The following MCRIP1 variants were observed in gnomAD, a reference collection of about 807,000 sequenced individuals.
MCRIP1 encodes MAPK regulated corepressor interacting protein 1, also known as mapk-regulated corepressor-interacting protein 1.
MCRIP1 carries 10 observed loss-of-function variants against 14.4 expected under a neutral mutation model. The ratio of observed to expected loss-of-function variants is 0.70; its 90% CI spans 0.43 to 1.18. MCRIP1 has a LOEUF of 1.18. Among genes scored for constraint, MCRIP1 ranks in the 50% most tolerant of loss-of-function variants. The pLI, the probability that MCRIP1 is intolerant of heterozygous loss-of-function variation, is 0.00. For synonymous variants in MCRIP1, 53 were observed against 55.7 expected, an observed-to-expected ratio of 0.95 and a Z score of 0.21; for missense variants, 119 against 135.4, an observed-to-expected ratio of 0.88 and a Z score of 0.60.
Position 81,823,578 on chromosome 17 carries a change from G to C in MCRIP1, c.128-65C>G. 1.5e-6 allele frequency: 2 copies of C among 1,359,420 alleles called. No individual in the cohort carries two copies. The highest frequency in any genetic ancestry group is 2.5e-5 in the East Asian group (1 of 40,026). The allele number at this position is 1,359,420 out of a possible 1,614,324, so 84.2% of individuals were successfully genotyped here. A position where few individuals can be genotyped will look rare whatever the true frequency, so the allele number is the denominator to read the frequency against. On this transcript the variant is annotated intron_variant, in intron 3 of 4. Transcript: ENST00000455127. This position sits in a 1 kb window ranked among gnomAD's most constrained non-coding sequence, Gnocchi z 6.0. ...CCAGGGGGTGGCATCCACGTCACGA[G>C]AGTGCCTGCCCTCAGCTCCTGCCCT... is the stretch of plus-strand genomic sequence containing the variant.
chr17:81,824,279 G>A lies in MCRIP1; in HGVS notation c.127+8C>T, dbSNP rs910904088. On this transcript the variant is annotated splice_region_variant and intron_variant, in intron 3 of 4. Coordinates refer to ENST00000455127, the MANE Select transcript of MCRIP1 (RefSeq NM_207368.5). ...AGGGCAGGAGCTGTGTGTGGCAGGC[G>A]CACCCACCTTCGTAAATGAAGCGGA... 81 of 1,526,208 alleles carry A rather than the reference G, an allele frequency of 5.3e-5. No homozygotes were observed. Among genetic ancestry groups the A allele is most frequent in the South Asian group, 4.8e-5 (4 of 83,868 alleles). The allele number at this position is 1,526,208 out of a possible 1,614,324, so 94.5% of individuals were successfully genotyped here.
Position 81,823,569 on chromosome 17 carries a change from A to T in MCRIP1, c.128-56T>A. The T allele has an allele frequency of 7.0e-7, 1 of 1,434,608 alleles. No individual in the cohort carries two copies. Among genetic ancestry groups the T allele is most frequent in the Non-Finnish European group, 9.5e-7 (1 of 1,057,000 alleles). The allele number at this position is 1,434,608 out of a possible 1,614,324, so 88.9% of individuals were successfully genotyped here. A position where few individuals can be genotyped will look rare whatever the true frequency, so the allele number is the denominator to read the frequency against. ...CCCCCTGCCCCAGGGGGTGGCATCC[A>T]CGTCACGAGAGTGCCTGCCCTCAGC... On this transcript the variant is annotated intron_variant, in intron 3 of 4. Coordinates refer to ENST00000455127, the MANE Select transcript of MCRIP1 (RefSeq NM_207368.5). This position sits in a 1 kb window ranked among gnomAD's most constrained non-coding sequence, Gnocchi z 6.0.
At chr17:81,825,239 G>A (rs1021085859) in intron 1 of MCRIP1, 6 of 1,081,674 alleles carry the variant, frequency 5.5e-6, no homozygotes, top group Admixed American at 9.8e-5. Context: ...CTGGGCTGCC[G>A]CCCGTTTATG....
Position 81,823,182 on chromosome 17 carries a change from G to T in MCRIP1, c.*65C>A. On this transcript the variant is annotated 3_prime_UTR_variant, in exon 5 of 5. Transcript: ENST00000455127. This position sits in a 1 kb window ranked among gnomAD's most constrained non-coding sequence, Gnocchi z 6.0. ...CCCCCATCCCAGGGGCAGGACCACA[G>T]GACAGGAGGGAACCGACACCTCGCA... The T allele has an allele frequency of 6.8e-7, 1 of 1,476,278 alleles. No homozygotes were observed. Among genetic ancestry groups the T allele is most frequent in the Non-Finnish European group, 9.1e-7 (1 of 1,093,766 alleles). The allele number at this position is 1,476,278 out of a possible 1,614,324, so 91.4% of individuals were successfully genotyped here.
chr17:81,825,362 C>A, intron 1 of MCRIP1: 1 of 1,182,724 alleles, frequency 8.5e-7, no homozygotes, highest in South Asian at 1.6e-5. Context: ...GGACACACAA[C>A]CCCAAGGTGG....
intron 1 of MCRIP1, chr17:81,826,522 CAAAAA>C: frequency 3.7e-5 from 19 of 509,728 alleles, no homozygotes; most frequent in Non-Finnish European, 4.7e-5. Context: ...GACCCTGTGT[CAAAAA>C]AAAAAAAAAA....
At chr17:81,825,464 G>C (rs1185933185) in intron 1 of MCRIP1, 2 of 1,196,234 alleles carry the variant, frequency 1.7e-6, no homozygotes, top group East Asian at 1.2e-4. Context: ...TCCCAGGAGG[G>C]GGCTTTGAGC....
chr17:81,827,753 A>C (rs2038437576), intron 1 of MCRIP1, among the ~76,000 whole-genome samples: 1 of 147,444 alleles, frequency 6.8e-6, no homozygotes, highest in South Asian at 2.2e-4. Context: ...CCATAAATAT[A>C]TACACCTATT....
At chr17:81,830,062 C>T (rs2038485465) in intron 1 of MCRIP1, among the ~76,000 whole-genome samples, 1 of 152,226 alleles carries the variant, frequency 6.6e-6, no homozygotes, top group Non-Finnish European at 1.5e-5. Flanking sequence ...GTGCATTCTG[C>T]AGGACGTGAC....
rs372400475 is a variant in MCRIP1 at position 81,823,220 on chromosome 17, G to A, written c.*27C>T. 1.9e-5 allele frequency: 29 copies of A among 1,535,138 alleles called. No individual in the cohort carries two copies. The highest frequency in any genetic ancestry group is 1.2e-4 in the Admixed American group (6 of 50,996). On this transcript the variant is annotated 3_prime_UTR_variant, in exon 5 of 5. Transcript: ENST00000455127. The surrounding 1 kb of genome is among the most constrained non-coding windows in gnomAD (Gnocchi z 6.0). ...CCGACACCTCGCACCCTGATCTTCC[G>A]GAGGCCGGGGAGGGGCACCGGGCGC...
chr17:81,824,180 CA>C, intron 3 of MCRIP1, 106 bp downstream of exon 3: 1 of 883,318 alleles, frequency 1.1e-6, no homozygotes, highest in African/African-American at 1.7e-5. Context: ...CCTGGAGGGG[CA>C]GGGGCAGGGG....
At chr17:81,824,245 G>C in intron 3 of MCRIP1, 42 bp downstream of exon 3, 6 of 1,474,394 alleles carry the variant, frequency 4.1e-6, no homozygotes, top group Non-Finnish European at 5.5e-6. Flanking sequence ...AGCTGACTCC[G>C]TCAAGGACAG....
At position 81,823,535 on chromosome 17, in the gene MCRIP1, T is replaced by G; in HGVS notation, c.128-22A>C. ...CAGGCTGCAGAGGCAGAGAGTGGTGTGCTCAGGGCCCCCTGCCCCAGGGGG... is the reference window on the plus strand; with the variant it reads ...CAGGCTGCAGAGGCAGAGAGTGGTGGGCTCAGGGCCCCCTGCCCCAGGGGG... On this transcript the variant is annotated intron_variant, in intron 3 of 4. Coordinates refer to ENST00000455127, the MANE Select transcript of MCRIP1 (RefSeq NM_207368.5). The surrounding 1 kb of genome is among the most constrained non-coding windows in gnomAD (Gnocchi z 6.0). 1 of 1,532,704 alleles carries G rather than the reference T, an allele frequency of 6.5e-7. No homozygotes were observed. Among genetic ancestry groups the G allele is most frequent in the Non-Finnish European group, 8.7e-7 (1 of 1,144,278 alleles). The allele number at this position is 1,532,704 out of a possible 1,614,324, so 94.9% of individuals were successfully genotyped here. A position where few individuals can be genotyped will look rare whatever the true frequency, so the allele number is the denominator to read the frequency against.
At chr17:81,825,183 G>A (rs2038364648) in intron 1 of MCRIP1, 7 of 1,042,782 alleles carry the variant, frequency 6.7e-6, no homozygotes, top group South Asian at 3.3e-5. Flanking sequence ...GGGCAGAGGG[G>A]GTGGCCCTGG....
At chr17:81,830,863 A>C (rs538846854) in intron 1 of MCRIP1, among the ~76,000 whole-genome samples, 70 of 151,246 alleles carry the variant, frequency 4.6e-4, no homozygotes, top group African/African-American at 1.7e-3. Flanking sequence ...TTGCTACTAA[A>C]AAAAAAAAAT....
intron 1 of MCRIP1, among the ~76,000 whole-genome samples, chr17:81,832,700 G>A (rs911708793): frequency 6.6e-6 from 1 of 152,272 alleles, no homozygotes; most frequent in Non-Finnish European, 1.5e-5. Flanking sequence ...CCACCGCCCA[G>A]TGAGTGCCTA....
chr17:81,825,462 G>A, intron 1 of MCRIP1: 10 of 1,196,498 alleles, frequency 8.4e-6, no homozygotes, highest in African/African-American at 1.6e-5. Context: ...ATTCCCAGGA[G>A]GGGGCTTTGA....
At chr17:81,826,366 C>T (rs2038396695) in intron 1 of MCRIP1, 8 of 1,535,512 alleles carry the variant, frequency 5.2e-6, no homozygotes, top group Non-Finnish European at 7.0e-6. Context: ...CGGCACACAC[C>T]CATATGAACA....
intron 1 of MCRIP1, among the ~76,000 whole-genome samples, chr17:81,831,006 A>T (rs1277181901): frequency 6.7e-6 from 1 of 150,304 alleles, no homozygotes; most frequent in Non-Finnish European, 1.5e-5. Context: ...CATCTCTACT[A>T]AAAAAAAATA....
Sources: gnomAD v4.1 joint callset for allele counts (sites outside exome capture counted in the v4.1 genomes callset) on GRCh38, gnomAD v4.1.1 for gene constraint, Gnocchi (gnomAD v3.1) non-coding constraint, MANE v1.5 for transcripts, NCBI Gene and HGNC (gene_info 2026-07-23, HGNC 2026-07-21) for gene names.